CELSR1: variants seen among roughly 807,000 people sequenced by gnomAD.
CELSR1 encodes the protein cadherin EGF LAG seven-pass G-type receptor 1.
Under a neutral mutation model 249.1 loss-of-function variants are expected in CELSR1, and 110 were observed. The ratio of observed to expected loss-of-function variants is 0.44; its 90% confidence interval spans 0.38 to 0.52. The LOEUF is 0.52. Among genes scored for constraint, CELSR1 ranks in the 20% least tolerant of loss-of-function variants. CELSR1 has a pLI of 0.00. For missense variants in CELSR1, 4,109 were observed against 4,296.4 expected (o/e 0.96, Z 1.22); for synonymous variants, 2,113 against 1,900.0 (o/e 1.11, Z -2.92).
chr22:46,388,354 AAAAAAGAAATAAAG>A (rs2079053212), intron 18 of CELSR1, among the ~76,000 whole-genome samples: 1 of 152,090 alleles, frequency 6.6e-6, no homozygotes, highest in South Asian at 2.1e-4. Flanking sequence ...ATCTTAAAAA[AAAAAAGAAATAAAG>A]AAAAAGAAAC....
rs1190073843 is a variant in CELSR1, at chr22:46,409,920, A to G, written c.4934-40T>C. ...CGTGCGGCAGAGCCTGACTCGGAGG[A>G]ACCGCCCGGGGTCCCCGGCGCCAGA... On this transcript the variant is annotated intron_variant, in intron 7 of 34. Coordinates refer to ENST00000674500, the MANE Select transcript of CELSR1 (RefSeq NM_001378328.1). This position sits in a 1 kb window ranked among gnomAD's most constrained non-coding sequence, Gnocchi z 9.8. 1 of 1,604,728 alleles carries G rather than the reference A, an allele frequency of 6.2e-7. No individual in the cohort carries two copies. The highest frequency in any genetic ancestry group is 1.1e-5 in the South Asian group (1 of 91,026).
At position 46,536,448 on chromosome 22, in the gene CELSR1, C is replaced by G. The variant is rs1194142924; in HGVS notation, c.723G>C (p.Gly241=). The G allele has an allele frequency of 6.2e-7, 1 of 1,611,304 alleles. No individual in the cohort carries two copies. The highest frequency in any genetic ancestry group is 2.2e-5 in the East Asian group (1 of 44,764). The change falls in exon 1 of 35, where the codon GGG becomes GGC. Residue 241 remains glycine (G), a synonymous_variant. Transcript: ENST00000674500. The part of the protein sequence containing the change: ...RRARRGTSGR[G]SLKFPMPNYQ... Reference sequence around the variant, plus strand: ...AGTTGGGCATCGGAAACTTCAGGCTCCCTCTGCCGCTCGTGCCCCGCCGGG... The same window carrying G: ...AGTTGGGCATCGGAAACTTCAGGCTGCCTCTGCCGCTCGTGCCCCGCCGGG...
chr22:46,493,669 G>C (rs1334782499), intron 1 of CELSR1, among the ~76,000 whole-genome samples: 1 of 152,192 alleles, frequency 6.6e-6, no homozygotes, highest in East Asian at 1.9e-4. Context: ...CCCAGTGGGA[G>C]GTAACTAAAT....
At chr22:46,364,773 C>T (rs2078748328) in intron 32 of CELSR1, 37 bp from the exon 33 acceptor site, 1 of 1,581,368 alleles carries the variant, frequency 6.3e-7, no homozygotes. Flanking sequence ...GGCAGCGGCA[C>T]TGCCACTCGA....
chr22:46,408,749 C>T lies in CELSR1; in HGVS notation c.5226+247G>A, dbSNP rs1250295653. Among the ~76,000 whole-genome samples, 1 of 152,222 alleles carries T rather than the reference C, an allele frequency of 6.6e-6. No homozygotes were observed. The highest frequency in any genetic ancestry group is 2.4e-5 in the African/African-American group (1 of 41,460). ...CCAAACCCTCAGGCTAGAGGGAGAC[C>T]AGAACTGCCGCTGAGCTCTGCTGGG... On this transcript the variant is annotated intron_variant, in intron 9 of 34. Transcript: ENST00000674500. This position sits in a 1 kb window ranked among gnomAD's most constrained non-coding sequence, Gnocchi z 4.6.
chr22:46,373,541 G>A (rs1602036284), intron 24 of CELSR1, among the ~76,000 whole-genome samples: 1 of 151,492 alleles, frequency 6.6e-6, no homozygotes, highest in East Asian at 1.9e-4. Context: ...CGTGCCCAGT[G>A]CTCTGGGAGA....
rs915153680 is a variant in CELSR1 at position 46,457,287 on chromosome 22, G to A, written c.4183+6420C>T. Reference sequence around the variant, plus strand: ...TTGAACTCAGGAGGCAGAGGCTGCAGTGAGCCAAGGTTGTGCCACTGCACT... The same window carrying A: ...TTGAACTCAGGAGGCAGAGGCTGCAATGAGCCAAGGTTGTGCCACTGCACT... On this transcript the variant is annotated intron_variant, in intron 2 of 34. Coordinates refer to ENST00000674500, the MANE Select transcript of CELSR1 (RefSeq NM_001378328.1). 5.3e-5 allele frequency among the ~76,000 whole-genome samples: 8 copies of A among 152,138 alleles called. 1 individual carries two copies. The highest frequency in any genetic ancestry group is 1.2e-4 in the Non-Finnish European group (8 of 68,036).
intron 1 of CELSR1, among the ~76,000 whole-genome samples, chr22:46,501,860 A>G (rs2080469521): frequency 6.6e-6 from 1 of 152,204 alleles, no homozygotes; most frequent in Non-Finnish European, 1.5e-5. Context: ...AAGAGAAAAC[A>G]AAGAAAAATC....
intron 5 of CELSR1, among the ~76,000 whole-genome samples, chr22:46,425,684 T>TC (rs1418268590): frequency 4.9e-5 from 7 of 141,978 alleles, no homozygotes; most frequent in Admixed American, 2.2e-4. Context: ...CTAGAAGTTT[T>TC]CCCCCGCTTT....
intron 1 of CELSR1, among the ~76,000 whole-genome samples, chr22:46,493,868 CA>C (rs2080390553): frequency 6.6e-6 from 1 of 152,126 alleles, no homozygotes; most frequent in Non-Finnish European, 1.5e-5. Flanking sequence ...GACTGTGAGT[CA>C]ATTAAACCAT....
chr22:46,525,306 G>A (rs569917607), intron 1 of CELSR1, among the ~76,000 whole-genome samples: 12 of 152,232 alleles, frequency 7.9e-5, no homozygotes, highest in Admixed American at 2.0e-4. Context: ...AAAATTAGCC[G>A]GGTGTGGTGG....
intron 5 of CELSR1, among the ~76,000 whole-genome samples, chr22:46,426,151 G>GGCGCAGCC (rs1386377759): frequency 8.6e-5 from 13 of 151,908 alleles, no homozygotes; most frequent in African/African-American, 1.4e-4. Context: ...AGCCGGGGAG[G>GGCGCAGCC]GGGCTGAGTG....
chr22:46,511,305 G>C (rs77053659), intron 1 of CELSR1, among the ~76,000 whole-genome samples: 1 of 152,044 alleles, frequency 6.6e-6, no homozygotes. Flanking sequence ...AGAACCACAC[G>C]CAAAGCAGGT....
Position 46,468,385 on chromosome 22 carries a change from C to CAAAAAA in CELSR1, c.3545-4046_3545-4041dup, listed in dbSNP as rs34099713. Among the ~76,000 whole-genome samples, 2 of 141,742 alleles carry CAAAAAA rather than the reference C, an allele frequency of 1.4e-5. No homozygotes were observed. Among genetic ancestry groups the CAAAAAA allele is most frequent in the African/African-American group, 2.6e-5 (1 of 38,048 alleles). The allele number at this position is 141,742 out of a possible 152,430, so 93.0% of individuals were successfully genotyped here. On this transcript the variant is annotated intron_variant, in intron 1 of 34. Coordinates refer to ENST00000674500, the MANE Select transcript of CELSR1 (RefSeq NM_001378328.1). The surrounding 1 kb of genome is among the most constrained non-coding windows in gnomAD (Gnocchi z 4.5). ...TGGGCAACAAAGCAAGACTCTGTCT[C>CAAAAAA]AAAAAAAAAAAAAAATGTGGTCCAT...
At chr22:46,519,222 G>A (rs2080660074) in intron 1 of CELSR1, among the ~76,000 whole-genome samples, 1 of 152,182 alleles carries the variant, frequency 6.6e-6, no homozygotes, top group Admixed American at 6.5e-5. Flanking sequence ...TGGGGGTGTT[G>A]CACACCACTG....
intron 2 of CELSR1, among the ~76,000 whole-genome samples, chr22:46,452,805 G>C (rs1301326937): frequency 1.3e-5 from 2 of 152,242 alleles, no homozygotes; most frequent in African/African-American, 4.8e-5. Flanking sequence ...GGGGGACGCA[G>C]ACTTCACGCC....
Position 46,364,641 on chromosome 22 carries a change from C to A in CELSR1, c.8650G>T (p.Val2884Leu), listed in dbSNP as rs2078745899. 6.2e-7 allele frequency: 1 copy of A among 1,612,624 alleles called. No homozygotes were observed. Among genetic ancestry groups the A allele is most frequent in the Non-Finnish European group, 8.5e-7 (1 of 1,179,936 alleles). Residue 2884 changes from valine (V) to leucine (L), a missense_variant, in exon 33 of 35, where the codon GTG becomes TTG. Val to Leu is a conservative substitution (Grantham distance 32, BLOSUM62 1). This residue lies in a region of CELSR1 where 1,805 missense variants were observed against 1,831.6 expected (regional missense o/e 0.99). Coordinates refer to ENST00000674500, the MANE Select transcript of CELSR1 (RefSeq NM_001378328.1). ...AGCTCCACGCTGACCTTGGTCTCCA[C>A]CTTCAGGCGGGGCTTGCCGCTGGGG... ...EDPSGKPRLK[V>L]ETKVSVELHR...
chr22:46,409,946 C>T lies in CELSR1; in HGVS notation c.4934-66G>A, dbSNP rs1181724356. The T allele has an allele frequency of 1.9e-5, 30 of 1,595,428 alleles. No individual in the cohort carries two copies. The highest frequency in any genetic ancestry group is 1.1e-4 in the South Asian group (10 of 90,434). On this transcript the variant is annotated intron_variant, in intron 7 of 34. Coordinates refer to ENST00000674500, the MANE Select transcript of CELSR1 (RefSeq NM_001378328.1). The surrounding 1 kb of genome is among the most constrained non-coding windows in gnomAD (Gnocchi z 9.8). ...ACCGCCCGGGGTCCCCGGCGCCAGA[C>T]GTGGCGTGGGAAACCAGGACGGAAT...
In CELSR1 at chr22:46,398,553, C is replaced by T. The variant is rs201306786; in HGVS notation, c.5497G>A (p.Val1833Met). The change falls in exon 11 of 35, where the codon GTG (valine) becomes ATG (methionine). Residue 1833 changes from valine to methionine, a missense_variant. Transcript: ENST00000674500. The surrounding 1 kb of genome is among the most constrained non-coding windows in gnomAD (Gnocchi z 7.2). ...ATGCAGCCTCGGAATCCACGGCGCA[C>T]GGAGACCTTGTCTTCAGAGGCGCCT... ...VGGASEDKVS[V>M]RRGFRGCMQG... The T allele has an allele frequency of 2.5e-5, 40 of 1,613,288 alleles. No homozygotes were observed. Among genetic ancestry groups the T allele is most frequent in the East Asian group, 4.5e-5 (2 of 44,852 alleles).
Sources: allele counts gnomAD v4.1 joint callset (sites outside exome capture counted in the v4.1 genomes callset), GRCh38; gene constraint gnomAD v4.1.1; regional missense constraint gnomAD v4.1.1; non-coding constraint Gnocchi (gnomAD v3.1); transcripts MANE v1.5; gene names NCBI Gene and HGNC (gene_info 2026-07-23, HGNC 2026-07-21).